Variants in SDK1 observed in about 807,000 individuals in gnomAD.
SDK1 encodes sidekick cell adhesion molecule 1.
A neutral mutation model predicts 245.5 loss-of-function variants in SDK1; 157 were observed. The ratio of observed to expected loss-of-function variants is 0.64; its 90% CI spans 0.56 to 0.73. The LOEUF (loss-of-function observed/expected upper bound fraction) is 0.73. Among genes scored for constraint, SDK1 ranks in the 30% least tolerant of loss-of-function variants. The pLI is 0.00. For missense variants in SDK1, 3,583 were observed against 3,002.3 expected, an observed-to-expected ratio of 1.19 and a Z score of -4.52; for synonymous variants, 1,647 against 1,278.5, an observed-to-expected ratio of 1.29 and a Z score of -6.15.
chr7:3,985,050 A>T (rs1458711868), intron 13 of SDK1, among the ~76,000 whole-genome samples: 1 of 152,158 alleles, frequency 6.6e-6, no homozygotes, highest in Non-Finnish European at 1.5e-5. Context: ...CCCAGAGGTC[A>T]GAAGGCTGAG....
chr7:3,556,650 G>C (rs564527998), intron 1 of SDK1, among the ~76,000 whole-genome samples: 1 of 151,700 alleles, frequency 6.6e-6, no homozygotes, highest in Non-Finnish European at 1.5e-5. Context: ...GTGAAACCTC[G>C]TCTCTACTAA....
At chr7:3,396,307 C>G (rs1342957431) in intron 1 of SDK1, among the ~76,000 whole-genome samples, 1 of 151,628 alleles carries the variant, frequency 6.6e-6, no homozygotes, top group East Asian at 1.9e-4. Context: ...TCTTTGTGGT[C>G]CAGCATATGA....
chr7:3,819,151 A>G (rs1021665413), intron 4 of SDK1, among the ~76,000 whole-genome samples: 2 of 152,180 alleles, frequency 1.3e-5, no homozygotes, highest in African/African-American at 2.4e-5. Context: ...GGATAGGAAC[A>G]AAGACTTGGT....
chr7:4,165,236 G>C (rs1456245950), intron 32 of SDK1, among the ~76,000 whole-genome samples: 1 of 152,068 alleles, frequency 6.6e-6, no homozygotes, highest in Non-Finnish European at 1.5e-5. Flanking sequence ...ATGGGCGCCT[G>C]TAATCCCAGC....
At chr7:3,779,582 A>C (rs73306135) in intron 4 of SDK1, among the ~76,000 whole-genome samples, 1,588 of 152,256 alleles carry the variant, frequency 0.01, 27 homozygotes, top group African/African-American at 0.036. Flanking sequence ...CCTTTTCTCT[A>C]ATACTATTTA....
At chr7:3,583,928 G>A (rs1000169579) in intron 1 of SDK1, among the ~76,000 whole-genome samples, 2 of 152,158 alleles carry the variant, frequency 1.3e-5, no homozygotes, top group Admixed American at 1.3e-4. Flanking sequence ...TGGAGTGAAG[G>A]TCCCGTATCA....
chr7:3,906,068 C>G (rs180830136), intron 5 of SDK1, among the ~76,000 whole-genome samples: 3 of 152,272 alleles, frequency 2.0e-5, no homozygotes, highest in Admixed American at 1.3e-4. Flanking sequence ...TTCTGTCTCT[C>G]TTTGCTACAT....
At chr7:4,165,222 G>T (rs1781430955) in intron 32 of SDK1, among the ~76,000 whole-genome samples, 2 of 152,056 alleles carry the variant, frequency 1.3e-5, no homozygotes, top group South Asian at 4.2e-4. Context: ...AGCCGGGCGT[G>T]GTGATGGGCG....
intron 22 of SDK1, among the ~76,000 whole-genome samples, chr7:4,103,327 T>G (rs1253001301): frequency 6.6e-6 from 1 of 152,202 alleles, no homozygotes; most frequent in East Asian, 1.9e-4. Context: ...TTGTTTTATC[T>G]TTAAAGAATT....
chr7:4,062,606 A>T (rs1306028571), intron 19 of SDK1, among the ~76,000 whole-genome samples: 1 of 152,218 alleles, frequency 6.6e-6, no homozygotes, highest in Non-Finnish European at 1.5e-5. Flanking sequence ...AACTCATTTT[A>T]TGAGGTCAGT....
chr7:3,855,507 C>G (rs1295628046), intron 5 of SDK1, among the ~76,000 whole-genome samples: 2 of 151,926 alleles, frequency 1.3e-5, no homozygotes, highest in African/African-American at 2.4e-5. Flanking sequence ...AACTTGAGAA[C>G]AAGCTTAGAA....
intron 1 of SDK1, among the ~76,000 whole-genome samples, chr7:3,488,805 C>G (rs1781780734): frequency 6.6e-6 from 1 of 152,102 alleles, no homozygotes; most frequent in Non-Finnish European, 1.5e-5. Flanking sequence ...TTGGACTTGT[C>G]TCATAGGCTG....
intron 3 of SDK1, among the ~76,000 whole-genome samples, chr7:3,640,714 G>C (rs1009563503): frequency 1.1e-4 from 17 of 150,822 alleles, no homozygotes; most frequent in Admixed American, 3.3e-4. Context: ...GACGGAGTCT[G>C]GCTCTGTCAC....
At chr7:3,869,405 C>T (rs1011628497) in intron 5 of SDK1, among the ~76,000 whole-genome samples, 2 of 152,094 alleles carry the variant, frequency 1.3e-5, no homozygotes, top group Non-Finnish European at 2.9e-5. Flanking sequence ...ATCTGCCTGC[C>T]TCGGCCTCCC....
rs549952894 is a variant in SDK1 at position 4,040,354 on chromosome 7, G to C, written c.2603-8994G>C. 2.5e-3 allele frequency among the ~76,000 whole-genome samples: 373 copies of C among 152,212 alleles called. 3 individuals carry two copies. Among genetic ancestry groups the C allele is most frequent in the African/African-American group, 8.5e-3 (351 of 41,526 alleles). ...GCTCAGAGTCTGTAGTCTTCAACCC[G>C]GGGGTCCGTGGCAACTGAAAAACAA... On this transcript the variant is annotated intron_variant, in intron 17 of 44. Coordinates refer to ENST00000404826, the MANE Select transcript of SDK1 (RefSeq NM_152744.4).
intron 1 of SDK1, among the ~76,000 whole-genome samples, chr7:3,352,322 G>C (rs1780681618): frequency 6.6e-6 from 1 of 151,664 alleles, no homozygotes; most frequent in African/African-American, 2.4e-5. Flanking sequence ...ATATTTTTGT[G>C]AATTCTTCTT....
intron 16 of SDK1, among the ~76,000 whole-genome samples, chr7:4,014,511 G>C (rs150648612): frequency 1.4e-4 from 22 of 152,354 alleles, no homozygotes; most frequent in Non-Finnish European, 3.1e-4. Flanking sequence ...CTGCACATCA[G>C]CTCTCTGTTT....
intron 20 of SDK1, among the ~76,000 whole-genome samples, chr7:4,074,856 T>TTCTCTCTCTCTCTCTCTC (rs1159856321): frequency 4.7e-4 from 34 of 72,330 alleles, no homozygotes; most frequent in African/African-American, 2.9e-3. Flanking sequence ...GAGCAAGACT[T>TTCTCTCTCTCTCTCTCTC]TCTCTCTCTC....
chr7:3,879,809 A>C (rs2128099173), intron 5 of SDK1, among the ~76,000 whole-genome samples: 1 of 152,308 alleles, frequency 6.6e-6, no homozygotes, highest in African/African-American at 2.4e-5. Flanking sequence ...CTCTGATTAA[A>C]GTGATTAAAA....
Sources: allele counts gnomAD v4.1 joint callset (sites outside exome capture counted in the v4.1 genomes callset), GRCh38; gene constraint gnomAD v4.1.1; transcripts MANE v1.5; gene names NCBI Gene and HGNC (gene_info 2026-07-23, HGNC 2026-07-21).